Variants in MAP4 observed in about 807,000 individuals in gnomAD.
The protein encoded by MAP4 is microtubule associated protein 4, also known as microtubule-associated protein 4.
In MAP4, 76 loss-of-function variants were observed where a neutral mutation model predicts 170.2. The ratio of observed to expected loss-of-function variants is 0.45; its 90% CI spans 0.37 to 0.54. The LOEUF is 0.54. MAP4 is among the 20% of genes least tolerant of loss of function. MAP4 has a pLI of 0.00. For missense variants in MAP4, 2,506 were observed against 2,748.0 expected (o/e 0.91, Z 1.97); for synonymous variants, 909 against 994.5 (o/e 0.91, Z 1.62).
At position 47,855,172 on chromosome 3, in the gene MAP4, C is replaced by T. The variant is rs2052889784; in HGVS notation, c.6696+76G>A. 3 of 980,786 alleles carry T rather than the reference C, an allele frequency of 3.1e-6. No homozygotes were observed. The highest frequency in any genetic ancestry group is 1.3e-5 in the South Asian group (1 of 75,470). The allele number at this position is 980,786 out of a possible 1,614,324, so 60.8% of individuals were successfully genotyped here. The stretch of plus-strand genomic sequence containing the variant: ...ACTGAGGGGCGGTGACAGGTGCCTA[C>T]CTGTGAGGACCCTGACCCTAACTGC... On this transcript the variant is annotated intron_variant, in intron 19 of 20. Coordinates refer to ENST00000683076, the MANE Select transcript of MAP4 (RefSeq NM_001385682.1). The surrounding 1 kb of genome is among the most constrained non-coding windows in gnomAD (Gnocchi z 5.1).
In MAP4 at chr3:47,865,977, G is replaced by A. The variant is rs949333791; in HGVS notation, c.6501+1269C>T. On this transcript the variant is annotated intron_variant, in intron 17 of 20. Transcript: ENST00000683076. ...CTGTGTCCCTAATACACATCATAGAGCTGGCACACAATGGCAGCAAGACAA... is the reference window on the plus strand; with the variant it reads ...CTGTGTCCCTAATACACATCATAGAACTGGCACACAATGGCAGCAAGACAA... Among the ~76,000 whole-genome samples the A allele has an allele frequency of 2.6e-5, 4 of 152,292 alleles. No individual in the cohort carries two copies. In the East Asian group the frequency reaches 5.8e-4, roughly 22 times the overall value.
chr3:48,062,042 T>C (rs1260207024), intron 1 of MAP4, among the ~76,000 whole-genome samples: 1 of 151,966 alleles, frequency 6.6e-6, no homozygotes, highest in Non-Finnish European at 1.5e-5. Context: ...AGGATGGCGG[T>C]TTTGTCGAGT....
At chr3:48,052,731 A>G (rs888455927) in intron 1 of MAP4, among the ~76,000 whole-genome samples, 13 of 152,216 alleles carry the variant, frequency 8.5e-5, no homozygotes, top group Non-Finnish European at 1.8e-4. Flanking sequence ...AAACTATTCT[A>G]AAATACCTTC....
chr3:47,920,267 G>A (rs963643048), intron 5 of MAP4, among the ~76,000 whole-genome samples: 6 of 136,196 alleles, frequency 4.4e-5, no homozygotes, highest in African/African-American at 8.3e-5. Flanking sequence ...CACCACACTC[G>A]GCCTAATTTT....
chr3:48,063,805 G>T (rs903302664), intron 1 of MAP4, among the ~76,000 whole-genome samples: 17 of 152,316 alleles, frequency 1.1e-4, no homozygotes, highest in African/African-American at 4.1e-4. Context: ...GCAAAACTAT[G>T]AAGACAGAAA....
chr3:48,049,924 TGA>T (rs2100126722), intron 1 of MAP4, among the ~76,000 whole-genome samples: 1 of 149,180 alleles, frequency 6.7e-6, no homozygotes, highest in Non-Finnish European at 1.5e-5. Flanking sequence ...GGCAACAGAG[TGA>T]GACTTCGTCT....
intron 1 of MAP4, among the ~76,000 whole-genome samples, chr3:48,068,264 CA>C (rs34691079): frequency 0.099 from 10,507 of 106,476 alleles, 865 homozygotes; most frequent in African/African-American, 0.3. Context: ...GATTCTGTCT[CA>C]AAAAAAAAAA....
chr3:47,967,582 G>A (rs1363146780), intron 3 of MAP4, among the ~76,000 whole-genome samples: 9 of 152,196 alleles, frequency 5.9e-5, no homozygotes, highest in African/African-American at 2.2e-4. Flanking sequence ...AACCTGGAAG[G>A]TGGAGGCTGC....
intron 2 of MAP4, among the ~76,000 whole-genome samples, chr3:47,981,762 C>T (rs578032012): frequency 1.3e-5 from 2 of 149,360 alleles, no homozygotes; most frequent in African/African-American, 4.9e-5. Flanking sequence ...AAGACTCCAT[C>T]TCCCAAAAAA....
At chr3:47,950,462 C>T (rs1328515171) in intron 3 of MAP4, among the ~76,000 whole-genome samples, 1 of 151,944 alleles carries the variant, frequency 6.6e-6, no homozygotes, top group East Asian at 1.9e-4. Context: ...AAGATCGTGG[C>T]AATAATATAC....
At chr3:47,914,737 G>T (rs1047804628) in intron 8 of MAP4, 80 bp downstream of exon 8, 3 of 1,530,884 alleles carry the variant, frequency 2.0e-6, no homozygotes, top group Non-Finnish European at 2.7e-6. Flanking sequence ...ATACAACAGG[G>T]AACTAGAGAC....
chr3:47,927,241 G>A (rs11711075), intron 4 of MAP4, among the ~76,000 whole-genome samples: 151,636 of 151,780 alleles, frequency 1, 75,746 homozygotes, highest in Middle Eastern at 1. Context: ...TAGGAAAGCC[G>A]ATAACTGACA....
intron 10 of MAP4, chr3:47,891,116 G>A (rs2100023688): frequency 3.3e-6 from 5 of 1,536,370 alleles, no homozygotes; most frequent in Non-Finnish European, 3.5e-6. Flanking sequence ...CGTCTGTCCT[G>A]GCTGTTTCTC....
At chr3:47,978,259 T>C (rs975519221) in intron 2 of MAP4, among the ~76,000 whole-genome samples, 1 of 152,150 alleles carries the variant, frequency 6.6e-6, no homozygotes, top group African/African-American at 2.4e-5. Context: ...AACACAGGTT[T>C]GGTATCAGCA....
At chr3:48,071,562 A>G (rs373706080) in intron 1 of MAP4, among the ~76,000 whole-genome samples, 4 of 152,140 alleles carry the variant, frequency 2.6e-5, no homozygotes, top group South Asian at 4.1e-4. Flanking sequence ...AAAAAAAGAA[A>G]AGAGAAAAAA....
chr3:48,037,444 C>T (rs968141075), intron 1 of MAP4, among the ~76,000 whole-genome samples: 1 of 152,070 alleles, frequency 6.6e-6, no homozygotes, highest in Non-Finnish European at 1.5e-5. Flanking sequence ...CTCAGGCTGG[C>T]GTGCAGTGAC....
At chr3:47,997,866 C>T (rs890601796) in intron 2 of MAP4, among the ~76,000 whole-genome samples, 1 of 152,124 alleles carries the variant, frequency 6.6e-6, no homozygotes, top group African/African-American at 2.4e-5. Context: ...TTGAAAGATA[C>T]AAACTACCAA....
intron 2 of MAP4, among the ~76,000 whole-genome samples, chr3:47,988,837 C>G (rs557942015): frequency 6.6e-6 from 1 of 151,768 alleles, no homozygotes; most frequent in African/African-American, 2.4e-5. Context: ...TTTTTTGAGA[C>G]GGAGTCTCGC....
intron 1 of MAP4, among the ~76,000 whole-genome samples, chr3:48,008,955 T>C (rs2100103845): frequency 6.6e-6 from 1 of 152,154 alleles, no homozygotes; most frequent in Admixed American, 6.5e-5. Flanking sequence ...GCGGATTGAT[T>C]ATATTGGACC....
Sources: gnomAD v4.1 joint callset for allele counts (sites outside exome capture counted in the v4.1 genomes callset) on GRCh38, gnomAD v4.1.1 for gene constraint, Gnocchi (gnomAD v3.1) non-coding constraint, MANE v1.5 for transcripts, NCBI Gene and HGNC (gene_info 2026-07-23, HGNC 2026-07-21) for gene names.